Variants in RPS16 observed in about 807,000 individuals in gnomAD.
RPS16 encodes the protein small ribosomal subunit protein uS9.
In RPS16, 2 loss-of-function variants were observed where a neutral mutation model predicts 20.1. The observed-to-expected ratio is 0.10, with a 90% CI of 0.04 to 0.31. The LOEUF (loss-of-function observed/expected upper bound fraction) is 0.31, where lower values mean the gene tolerates loss of function less well. Ranked by LOEUF, RPS16 falls within the 10% of genes least tolerant of loss-of-function variation. The pLI, the probability that RPS16 is intolerant of heterozygous loss-of-function variation, is 1.00. For missense variants in RPS16, 129 were observed against 198.6 expected (o/e 0.65, Z 2.11); for synonymous variants, 95 against 76.1 (o/e 1.25, Z -1.29).
chr19:39,435,731 G>C, intron 1 of RPS16, 23 bp from the exon 2 acceptor site: 2 of 1,611,872 alleles, frequency 1.2e-6, no homozygotes, highest in Non-Finnish European at 1.7e-6. Flanking sequence ...AGAGAAACAG[G>C]GGCCCCGTGA....
chr19:39,435,854 T>C lies in RPS16; in HGVS notation c.42A>G (p.Gly14=), dbSNP rs762144237. The change falls in exon 1 of 5, where the codon GGA becomes GGG. Residue 14 remains glycine, a synonymous_variant. Transcript: ENST00000251453. The part of the protein sequence containing the change: ...KGPLQSVQVF[G]RKKTATAVAH... ...CATCCGGCGTCTGGCTCACCTTGCG[T>C]CCGAAGACCTGCACAGACTGCAGCG... The C allele has an allele frequency of 4.3e-6, 7 of 1,610,012 alleles. No individual in the cohort carries two copies. The highest frequency in any genetic ancestry group is 5.9e-6 in the Non-Finnish European group (7 of 1,179,972).
chr19:39,433,605 C>G (rs759221104), intron 3 of RPS16, 36 bp from the exon 4 acceptor site: 2 of 1,614,186 alleles, frequency 1.2e-6, no homozygotes, highest in Non-Finnish European at 1.7e-6. Context: ...GGTACAGGAG[C>G]GCTGTGAAGG....
rs1267377054 is a variant in RPS16 at position 39,435,736 on chromosome 19, C to T, written c.49-28G>A. 3.1e-6 allele frequency: 5 copies of T among 1,610,386 alleles called. No individual in the cohort carries two copies. In the African/African-American group the frequency reaches 6.7e-5, roughly 22 times the overall value. ...GTAAGATACAAGAGAAACAGGGGCC[C>T]CGTGAGCTCCGGCTCCAGCTCCCAT... On this transcript the variant is annotated intron_variant, in intron 1 of 4. Coordinates refer to ENST00000251453, the MANE Select transcript of RPS16 (RefSeq NM_001020.6).
rs772439833 is a variant in RPS16, at chr19:39,435,905, C to A, written c.-10G>T. ...GGCCCTTGGACGGCATGGCTCCGAG[C>A]GTGGACTAGACAACCTCACCGCGCG... On this transcript the variant is annotated 5_prime_UTR_variant, in exon 1 of 5. Transcript: ENST00000251453. 2.5e-6 allele frequency: 4 copies of A among 1,604,338 alleles called. No homozygotes were observed. The highest frequency in any genetic ancestry group is 2.2e-5 in the East Asian group (1 of 44,882).
intron 2 of RPS16, chr19:39,434,951 TGA>T (rs1372733886): frequency 6.6e-6 from 1 of 152,102 alleles, no homozygotes; most frequent in Non-Finnish European, 1.5e-5. Flanking sequence ...CCAAAGAAAT[TGA>T]GAGTCCCAAA....
Position 39,435,930 on chromosome 19 carries a change from G to C in RPS16, c.-35C>G, listed in dbSNP as rs377714471. On this transcript the variant is annotated 5_prime_UTR_variant, in exon 1 of 5. Coordinates refer to ENST00000251453, the MANE Select transcript of RPS16 (RefSeq NM_001020.6). ...CGTGGACTAGACAACCTCACCGCGCGGCGCCGCAACCGGAAAAGGAAAGCT... is the reference window on the plus strand; with the variant it reads ...CGTGGACTAGACAACCTCACCGCGCCGCGCCGCAACCGGAAAAGGAAAGCT... 1.5e-4 allele frequency: 245 copies of C among 1,602,226 alleles called. 3 individuals are homozygous for C. The South Asian group carries it at 1.9e-3, about 12-fold the overall frequency.
chr19:39,435,813 C>T (rs372350528), intron 1 of RPS16, 35 bp downstream of exon 1: 1 of 1,609,828 alleles, frequency 6.2e-7, no homozygotes, highest in Non-Finnish European at 8.5e-7. Context: ...TGGCCTTCTC[C>T]TTCCCCTCCC....
In RPS16 at chr19:39,435,913, A is replaced by G; in HGVS notation, c.-18T>C. 1.2e-6 allele frequency: 2 copies of G among 1,603,518 alleles called. No individual in the cohort carries two copies. The highest frequency in any genetic ancestry group is 1.7e-6 in the Non-Finnish European group (2 of 1,179,922). ...GACGGCATGGCTCCGAGCGTGGACT[A>G]GACAACCTCACCGCGCGGCGCCGCA... On this transcript the variant is annotated 5_prime_UTR_variant, in exon 1 of 5. Coordinates refer to ENST00000251453, the MANE Select transcript of RPS16 (RefSeq NM_001020.6).
At chr19:39,433,831 T>C in intron 2 of RPS16, 70 bp from the exon 3 acceptor site, 3 of 1,482,094 alleles carry the variant, frequency 2.0e-6, no homozygotes, top group Non-Finnish European at 2.8e-6. Flanking sequence ...ACTGGGCTTC[T>C]TGTTTCTGTG....
chr19:39,435,811 T>C (rs1053565066), intron 1 of RPS16, 37 bp downstream of exon 1: 1 of 1,609,786 alleles, frequency 6.2e-7, no homozygotes, highest in Non-Finnish European at 8.5e-7. Context: ...CCTGGCCTTC[T>C]CCTTCCCCTC....
intron 2 of RPS16, chr19:39,435,083 G>A (rs537748386): frequency 6.5e-6 from 1 of 153,676 alleles, no homozygotes; most frequent in African/African-American, 2.4e-5. Context: ...TGGATCACCT[G>A]AGGTAATGAG....
intron 2 of RPS16, 150 bp from the exon 3 acceptor site, chr19:39,433,911 G>C: frequency 1.5e-6 from 1 of 672,732 alleles, no homozygotes; most frequent in Non-Finnish European, 2.5e-6. Flanking sequence ...GCCCTCTACA[G>C]ACCCAGAGAA....
At chr19:39,435,346 G>C in intron 2 of RPS16, 1 of 481,732 alleles carries the variant, frequency 2.1e-6, no homozygotes, top group East Asian at 3.2e-5. Context: ...TTCACCCTTT[G>C]GGTCCCCCCG....
chr19:39,435,550 A>G (rs548761620), intron 2 of RPS16, 57 bp downstream of exon 2: 10 of 1,443,938 alleles, frequency 6.9e-6, no homozygotes, highest in Non-Finnish European at 9.6e-6. Context: ...AAGAGCTACA[A>G]CATCTCTGTC....
chr19:39,434,870 T>C (rs536878590), intron 2 of RPS16: 1 of 152,376 alleles, frequency 6.6e-6, no homozygotes, highest in East Asian at 1.9e-4. Flanking sequence ...GCAATGTAGA[T>C]ATTCTTTCTT....
intron 2 of RPS16, 96 bp from the exon 3 acceptor site, chr19:39,433,857 G>A (rs2078844740): frequency 1.7e-6 from 2 of 1,162,862 alleles, no homozygotes; most frequent in Non-Finnish European, 2.5e-6. Flanking sequence ...TGCCACCACT[G>A]GCCTTCAAGT....
Position 39,433,750 on chromosome 19 carries a change from T to C in RPS16, c.162A>G (p.Pro54=). The part of the protein sequence containing the change: ...PRTLQYKLLE[P]VLLLGKERFA... ...ATCGCTCCTTGCCGAGAAGCAGAACTGGCTCCAGCAGCTAAAGGAATGGGG... is the reference window on the plus strand; with the variant it reads ...ATCGCTCCTTGCCGAGAAGCAGAACCGGCTCCAGCAGCTAAAGGAATGGGG... Residue 54 remains proline (P), a synonymous_variant, in exon 3 of 5, where the codon CCA becomes CCG. Coordinates refer to ENST00000251453, the MANE Select transcript of RPS16 (RefSeq NM_001020.6). The C allele has an allele frequency of 6.2e-7, 1 of 1,614,106 alleles. No homozygotes were observed.
At chr19:39,433,615 G>T (rs1226160418) in intron 3 of RPS16, 46 bp from the exon 4 acceptor site, 4 of 1,614,064 alleles carry the variant, frequency 2.5e-6, no homozygotes, top group Middle Eastern at 1.6e-4. Flanking sequence ...CGCTGTGAAG[G>T]CCTCCCTCCC....
rs2078857135 is a variant in RPS16, at chr19:39,435,594, C to G, written c.150+13G>C. 1 of 1,606,204 alleles carries G rather than the reference C, an allele frequency of 6.2e-7. No homozygotes were observed. Among genetic ancestry groups the G allele is most frequent in the Non-Finnish European group, 8.5e-7 (1 of 1,174,458 alleles). On this transcript the variant is annotated intron_variant, in intron 2 of 4. Coordinates refer to ENST00000251453, the MANE Select transcript of RPS16 (RefSeq NM_001020.6). The stretch of plus-strand genomic sequence containing the variant: ...TCCTCCATCCACTCAACGCCGGTGC[C>G]GGATCCCAGCACCTTGTACTGTAGC...
Sources: gnomAD v4.1 joint callset for allele counts on GRCh38, gnomAD v4.1.1 for gene constraint, MANE v1.5 for transcripts, NCBI Gene and HGNC (gene_info 2026-07-23, HGNC 2026-07-21) for gene names.